RRBP1: variants seen among roughly 807,000 people sequenced by gnomAD.
RRBP1 encodes the protein ribosome binding protein 1.
Under a neutral mutation model 165.2 loss-of-function variants are expected in RRBP1, and 94 were observed. That is an observed-to-expected ratio of 0.57 (90% CI 0.48 to 0.68). The LOEUF (loss-of-function observed/expected upper bound fraction) is 0.68. Ranked by LOEUF, RRBP1 falls within the 30% of genes least tolerant of loss-of-function variation. RRBP1 has a pLI of 0.00. For missense variants in RRBP1, 1,676 were observed against 1,763.0 expected (o/e 0.95, Z 0.88); for synonymous variants, 680 against 714.5 (o/e 0.95, Z 0.77).
chr20:17,642,781 C>T (rs1038882164), intron 4 of RRBP1, among the ~76,000 whole-genome samples, 198 bp downstream of exon 4: 1 of 152,246 alleles, frequency 6.6e-6, no homozygotes, highest in Admixed American at 6.5e-5. Flanking sequence ...CAGCCCTAAC[C>T]ATCTCAGGAG....
chr20:17,616,726 C>A lies in RRBP1; in HGVS notation c.3867+6G>T. ...ATGTGTCTGGGGACCAGCTCACCGC[C>A]CTAACCTGAACGGGGTCCTGCTCGG... On this transcript the variant is annotated splice_donor_region_variant and intron_variant, in intron 21 of 24. Transcript: ENST00000377813. 6.2e-7 allele frequency: 1 copy of A among 1,600,862 alleles called. No homozygotes were observed.
chr20:17,659,609 T>C lies in RRBP1; in HGVS notation c.899A>G (p.Lys300Arg), dbSNP rs558351181. 5.8e-6 allele frequency: 9 copies of C among 1,550,126 alleles called. No individual in the cohort carries two copies. In the African/African-American group the frequency reaches 6.8e-5, roughly 12 times the overall value. Residue 300 changes from lysine to arginine, a missense_variant, in exon 3 of 25, where the codon AAA (lysine) becomes AGA (arginine). Physicochemically the swap from Lys to Arg is conservative, Grantham distance 26 (BLOSUM62 2). This residue lies in a region of RRBP1 where 392 missense variants were observed against 382.5 expected (regional missense o/e 1.02). Coordinates refer to ENST00000377813, the MANE Select transcript of RRBP1 (RefSeq NM_001365613.2). ...RKAEGAQNQA[K>R]KVEGAQNQGK... ...CTGGTTCTGGGCCCCTTCTACCTTT[T>C]TGGCCTGGTTCTGAGCCCCCTCGGC...
chr20:17,662,986 G>A (rs73599758), intron 2 of RRBP1, among the ~76,000 whole-genome samples: 3 of 152,032 alleles, frequency 2.0e-5, no homozygotes, highest in East Asian at 3.9e-4. Flanking sequence ...GGCCAACCCA[G>A]GCAACATAGT....
intron 1 of RRBP1, among the ~76,000 whole-genome samples, chr20:17,680,386 G>A (rs1342939991): frequency 2.0e-5 from 3 of 152,122 alleles, no homozygotes; most frequent in Non-Finnish European, 2.9e-5. Context: ...GCCCTACCAG[G>A]CCCATTTCTC....
At position 17,615,541 on chromosome 20, in the gene RRBP1, G is replaced by C. The variant is rs1360585056; in HGVS notation, c.3952-12C>G. ...GCCGAGGTCTGAGCCTTGCCGGAGA[G>C]GGAAGTGAGGTCTGGGTGAGACGTC... is the stretch of plus-strand genomic sequence containing the variant. On this transcript the variant is annotated splice_polypyrimidine_tract_variant and intron_variant, in intron 22 of 24. Transcript: ENST00000377813. 1.3e-6 allele frequency: 2 copies of C among 1,594,304 alleles called. No homozygotes were observed. The highest frequency in any genetic ancestry group is 8.5e-7 in the Non-Finnish European group (1 of 1,171,766).
At chr20:17,663,746 G>C (rs2036814960) in intron 2 of RRBP1, among the ~76,000 whole-genome samples, 1 of 152,154 alleles carries the variant, frequency 6.6e-6, no homozygotes, top group South Asian at 2.1e-4. Flanking sequence ...CTCACAATCA[G>C]CATTCCGGGA....
chr20:17,630,943 C>G (rs757682221), intron 8 of RRBP1, among the ~76,000 whole-genome samples: 6 of 152,260 alleles, frequency 3.9e-5, no homozygotes, highest in Non-Finnish European at 5.9e-5. Context: ...GCTGGGGTAA[C>G]TGCTCAGATG....
Position 17,636,598 on chromosome 20 carries a change from C to T in RRBP1, c.2316G>A (p.Glu772=), listed in dbSNP as rs1343303042. The T allele has an allele frequency of 2.5e-6, 4 of 1,612,190 alleles. No individual in the cohort carries two copies. The South Asian group carries it at 4.4e-5, about 18-fold the overall frequency. Residue 772 remains glutamate (E), a synonymous_variant, in exon 6 of 25, where the codon GAG becomes GAA. Transcript: ENST00000377813. Reference sequence around the variant, plus strand: ...CCACCTTGCCCTGCAGCTGCTGCACCTCCTTCACGTGCTCCCGGTAGCTGG... The same window carrying T: ...CCACCTTGCCCTGCAGCTGCTGCACTTCCTTCACGTGCTCCCGGTAGCTGG... ...MQASYREHVK[E]VQQLQGKIRT...
At chr20:17,653,773 G>A (rs2036599797) in intron 3 of RRBP1, among the ~76,000 whole-genome samples, 1 of 150,866 alleles carries the variant, frequency 6.6e-6, no homozygotes, top group African/African-American at 2.4e-5. Flanking sequence ...GGCAGAGGTT[G>A]CAGTGAGCCG....
intron 2 of RRBP1, among the ~76,000 whole-genome samples, chr20:17,662,225 T>G (rs973881475): frequency 6.6e-6 from 1 of 150,980 alleles, no homozygotes; most frequent in Middle Eastern, 3.2e-3. Flanking sequence ...ATCGCGCCAC[T>G]GCACTCTAGC....
rs1176641549 is a variant in RRBP1 at position 17,659,033 on chromosome 20, G to C, written c.1475C>G (p.Ala492Gly). 12 of 1,569,846 alleles carry C rather than the reference G, an allele frequency of 7.6e-6. No individual in the cohort carries two copies. Among genetic ancestry groups the C allele is most frequent in the Non-Finnish European group, 9.5e-6 (11 of 1,156,984 alleles). Residue 492 changes from alanine (A) to glycine (G), a missense_variant, in exon 3 of 25, where the codon GCC becomes GGC. Coordinates refer to ENST00000377813, the MANE Select transcript of RRBP1 (RefSeq NM_001365613.2). ...AEGAQNQGKK[A>G]EGAQNQGKKA... ...TTTGCCCTGGTTCTGAGCCCCCTCGGCCTTCTTGCCCTGGTTCTGGGCCCC... is the reference window on the plus strand; with the variant it reads ...TTTGCCCTGGTTCTGAGCCCCCTCGCCCTTCTTGCCCTGGTTCTGGGCCCC...
At chr20:17,642,408 T>C (rs565122381) in intron 4 of RRBP1, among the ~76,000 whole-genome samples, 1 of 151,938 alleles carries the variant, frequency 6.6e-6, no homozygotes, top group Admixed American at 6.5e-5. Context: ...CCACTGAGAC[T>C]GTGCAGGATG....
At chr20:17,673,270 C>T (rs568790447) in intron 2 of RRBP1, among the ~76,000 whole-genome samples, 5 of 152,316 alleles carry the variant, frequency 3.3e-5, no homozygotes, top group South Asian at 2.1e-4. Flanking sequence ...CACACAGGAT[C>T]GCTCCCTTCA....
In RRBP1 at chr20:17,643,012, C is replaced by T. The variant is rs113583400; in HGVS notation, c.2028G>A (p.Glu676=). 3.6e-5 allele frequency: 58 copies of T among 1,614,126 alleles called. No individual in the cohort carries two copies. In the African/African-American group the frequency reaches 6.9e-4, roughly 19 times the overall value. Residue 676 remains glutamate, a synonymous_variant, in exon 4 of 25, where the codon GAG becomes GAA. Coordinates refer to ENST00000377813, the MANE Select transcript of RRBP1 (RefSeq NM_001365613.2). The surrounding 1 kb of genome is among the most constrained non-coding windows in gnomAD (Gnocchi z 4.3). ...EAQRLIEILS[E]KAGIIQDTWH... The stretch of plus-strand genomic sequence containing the variant: ...AGGTGTCCTGAATGATGCCAGCCTT[C>T]TCAGACAGGATCTCGATGAGCCGCT...
At chr20:17,624,045 A>C (rs77940645) in intron 13 of RRBP1, among the ~76,000 whole-genome samples, 1 of 152,172 alleles carries the variant, frequency 6.6e-6, no homozygotes, top group Non-Finnish European at 1.5e-5. Context: ...AAAAGCTCAT[A>C]AAGAGTGCAG....
intron 2 of RRBP1, among the ~76,000 whole-genome samples, chr20:17,669,031 A>C (rs1826278847): frequency 6.6e-6 from 1 of 152,182 alleles, no homozygotes; most frequent in Non-Finnish European, 1.5e-5. Context: ...TTTTTAACCC[A>C]AAGAAACTAA....
rs370637832 is a variant in RRBP1, at chr20:17,629,803, C to CCCACTG, written c.2749+14_2749+19dup. The CCCACTG allele has an allele frequency of 2.4e-3, 3,740 of 1,590,142 alleles. 85 individuals carry two copies. In the African/African-American group the frequency reaches 0.045, roughly 19 times the overall value. ...CAGCACCCTGCACTGAACCCCCGGC[C>CCCACTG]CCACTGCCGCCGCCCTTACCGGCCA... On this transcript the variant is annotated intron_variant, in intron 9 of 24. Transcript: ENST00000377813.
chr20:17,629,171 C>T (rs929614745), intron 9 of RRBP1, among the ~76,000 whole-genome samples: 23 of 152,242 alleles, frequency 1.5e-4, no homozygotes, highest in African/African-American at 5.3e-4. Context: ...GTGACTCTGT[C>T]GTGTAACCCC....
chr20:17,627,711 T>A (rs149314180), intron 9 of RRBP1, 29 bp from the exon 10 acceptor site: 1 of 1,557,770 alleles, frequency 6.4e-7, no homozygotes, highest in African/African-American at 1.4e-5. Context: ...AACGAGAAGT[T>A]AAGAGACTGC....
Sources: allele counts gnomAD v4.1 joint callset (sites outside exome capture counted in the v4.1 genomes callset), GRCh38; gene constraint gnomAD v4.1.1; regional missense constraint gnomAD v4.1.1; non-coding constraint Gnocchi (gnomAD v3.1); transcripts MANE v1.5; gene names NCBI Gene and HGNC (gene_info 2026-07-23, HGNC 2026-07-21).